Variants in TERT observed in about 807,000 individuals in gnomAD.
TERT encodes the protein telomerase catalytic subunit.
In TERT, 42 loss-of-function variants were observed where a neutral mutation model predicts 104.0. That is an observed-to-expected ratio of 0.40 (90% confidence interval 0.32 to 0.52). TERT has a LOEUF of 0.52. TERT is among the 20% of genes least tolerant of loss of function. The pLI, the probability that TERT is intolerant of heterozygous loss-of-function variation, is 0.43. For synonymous variants in TERT, 781 were observed against 725.6 expected (o/e 1.08, Z -1.23); for missense variants, 1,101 against 1,610.3 (o/e 0.68, Z 5.41).
chr5:1,288,901 G>A lies in TERT; in HGVS notation c.1573+4412C>T, dbSNP rs547838165. The stretch of plus-strand genomic sequence containing the variant: ...CGAGAGCCTGCAGTCCCGTGTCCCC[G>A]TAGCAAAATGGAACGGAGAGGTGAC... On this transcript the variant is annotated intron_variant, in intron 2 of 15. Coordinates refer to ENST00000310581, the MANE Select transcript of TERT (RefSeq NM_198253.3). This position sits in a 1 kb window ranked among gnomAD's most constrained non-coding sequence, Gnocchi z 5.3. 8.6e-4 allele frequency among the ~76,000 whole-genome samples: 131 copies of A among 152,286 alleles called. 1 individual carries two copies. The highest frequency in any genetic ancestry group is 2.8e-3 in the African/African-American group (116 of 41,546).
intron 14 of TERT, among the ~76,000 whole-genome samples, chr5:1,254,730 G>A (rs1213769592): frequency 1.3e-5 from 2 of 152,236 alleles, no homozygotes; most frequent in African/African-American, 2.4e-5. Context: ...GCTCAGGACC[G>A]CAGGTTCGAC....
rs1358276339 is a variant in TERT at position 1,260,496 on chromosome 5, T to C, written c.2948A>G (p.His983Arg). Residue 983 changes from histidine to arginine, a missense_variant, in exon 12 of 16, where the codon CAC becomes CGC. This residue lies in a region of TERT where 463 missense variants were observed against 797.5 expected (regional missense o/e 0.58). Transcript: ENST00000310581. The stretch of plus-strand genomic sequence containing the variant: ...CACCTGCAAATCCAGAAACAGGCTG[T>C]GACACTTCAGCCGCAAGACCCCAAA... ...KLFGVLRLKC[H>R]SLFLDLQVNS... The C allele has an allele frequency of 6.2e-7, 1 of 1,614,112 alleles. No homozygotes were observed. Among genetic ancestry groups the C allele is most frequent in the Non-Finnish European group, 8.5e-7 (1 of 1,180,002 alleles).
At chr5:1,254,011 C>T (rs977640816) in intron 15 of TERT, among the ~76,000 whole-genome samples, 180 bp from the exon 16 acceptor site, 7 of 152,194 alleles carry the variant, frequency 4.6e-5, no homozygotes, top group East Asian at 1.9e-4. Flanking sequence ...AGCCCAGTGA[C>T]GCTGGAGCGG....
chr5:1,266,608 A>G, intron 9 of TERT, 73 bp from the exon 10 acceptor site: 2 of 1,211,804 alleles, frequency 1.7e-6, no homozygotes, highest in Non-Finnish European at 2.4e-6. Context: ...GAGGGACTGA[A>G]TGTCAAACAA....
chr5:1,276,391 C>T lies in TERT; in HGVS notation c.2286+2250G>A, dbSNP rs115164942. Among the ~76,000 whole-genome samples, 1,030 of 146,158 alleles carry T rather than the reference C, an allele frequency of 7.0e-3. 5 individuals are homozygous for T. Among genetic ancestry groups the T allele is most frequent in the African/African-American group, 0.025 (952 of 38,830 alleles). ...AATTCACAGATCCCCACCTACCCCA[C>T]GCATAAAAACCAATCCCACAGATCC... On this transcript the variant is annotated intron_variant, in intron 6 of 15. Transcript: ENST00000310581.
rs1410105977 is a variant in TERT, at chr5:1,265,080, G to A, written c.2655-488C>T. Among the ~76,000 whole-genome samples, 1 of 152,228 alleles carries A rather than the reference G, an allele frequency of 6.6e-6. No individual in the cohort carries two copies. Among genetic ancestry groups the A allele is most frequent in the Non-Finnish European group, 1.5e-5 (1 of 68,040 alleles). On this transcript the variant is annotated intron_variant, in intron 10 of 15. Transcript: ENST00000310581. This position sits in a 1 kb window ranked among gnomAD's most constrained non-coding sequence, Gnocchi z 6.9. ...ACAAAGGGGAGGGTTCTGAGTTCCT[G>A]CTCAGGCGCGGGACCTGGCTGGGCT... is the stretch of plus-strand genomic sequence containing the variant.
In TERT at chr5:1,286,782, G is replaced by A. The variant is rs149513319; in HGVS notation, c.1574-4158C>T. 6.9e-4 allele frequency among the ~76,000 whole-genome samples: 105 copies of A among 152,234 alleles called. No homozygotes were observed. The highest frequency in any genetic ancestry group is 2.4e-3 in the African/African-American group (100 of 41,526). ...AATCCCAGCTACTCATGAGGTTGAG[G>A]AATGAGAACTGCTTGAACCGAGGAG... On this transcript the variant is annotated intron_variant, in intron 2 of 15. Transcript: ENST00000310581. The surrounding 1 kb of genome is among the most constrained non-coding windows in gnomAD (Gnocchi z 5.3).
At chr5:1,259,088 G>A (rs1207681429) in intron 12 of TERT, among the ~76,000 whole-genome samples, 1 of 148,900 alleles carries the variant, frequency 6.7e-6, no homozygotes, top group African/African-American at 2.5e-5. Context: ...ATGCCCACAG[G>A]AGAGGGGGAG....
At chr5:1,264,827 C>T (rs772072700) in intron 10 of TERT, among the ~76,000 whole-genome samples, 5 of 152,060 alleles carry the variant, frequency 3.3e-5, no homozygotes, top group African/African-American at 4.8e-5. Flanking sequence ...GGCCTGGACC[C>T]GGGACAGCCA....
rs377030225 is a variant in TERT at position 1,279,303 on chromosome 5, C to T, written c.2118G>A (p.Leu706=). ...RVRAQDPPPE[L]YFVKVDVTGA... ...CCCCGGCACCCACCTTGACAAAGTA[C>T]AGCTCAGGCGGCGGGTCCTGGGCCC... is the stretch of plus-strand genomic sequence containing the variant. The change falls in exon 5 of 16, where the codon CTG becomes CTA. Residue 706 remains leucine (L), a synonymous_variant. Coordinates refer to ENST00000310581, the MANE Select transcript of TERT (RefSeq NM_198253.3). 69 of 1,582,840 alleles carry T rather than the reference C, an allele frequency of 4.4e-5. No individual in the cohort carries two copies. The highest frequency in any genetic ancestry group is 9.0e-5 in the Admixed American group (5 of 55,544).
chr5:1,260,373 G>C, intron 12 of TERT, 101 bp downstream of exon 12: 1 of 1,578,134 alleles, frequency 6.3e-7, no homozygotes, highest in Non-Finnish European at 8.6e-7. Context: ...CGTGCAGCCA[G>C]TCACCATCAG....
intron 9 of TERT, among the ~76,000 whole-genome samples, chr5:1,267,964 C>A (rs1361549672): frequency 6.6e-6 from 1 of 151,910 alleles, no homozygotes; most frequent in East Asian, 1.9e-4. Flanking sequence ...GCACATGTAC[C>A]CTAGAACTTA....
Position 1,263,365 on chromosome 5 carries a change from T to C in TERT, c.2843+1039A>G, listed in dbSNP as rs1202639046. On this transcript the variant is annotated intron_variant, in intron 11 of 15. Transcript: ENST00000310581. This position sits in a 1 kb window ranked among gnomAD's most constrained non-coding sequence, Gnocchi z 5.3. ...CAGTAAATATTATCGAAGGACAGAATAAAAAAACACCTGTCCACTATGGTT... is the reference window on the plus strand; with the variant it reads ...CAGTAAATATTATCGAAGGACAGAACAAAAAAACACCTGTCCACTATGGTT... 6.6e-6 allele frequency among the ~76,000 whole-genome samples: 1 copy of C among 150,724 alleles called. No homozygotes were observed. Among genetic ancestry groups the C allele is most frequent in the African/African-American group, 2.4e-5 (1 of 41,060 alleles).
rs974297651 is a variant in TERT, at chr5:1,265,783, C to A, written c.2654+681G>T. Among the ~76,000 whole-genome samples the A allele has an allele frequency of 1.3e-5, 2 of 152,134 alleles. No homozygotes were observed. The highest frequency in any genetic ancestry group is 4.8e-5 in the African/African-American group (2 of 41,440). ...TCCCTTTACAGCTTTCAAGGTTTCT[C>A]GTCCCTCGTCAAATCGCACTTTAAA... On this transcript the variant is annotated intron_variant, in intron 10 of 15. Transcript: ENST00000310581. The surrounding 1 kb of genome is among the most constrained non-coding windows in gnomAD (Gnocchi z 6.9).
chr5:1,292,527 T>TA lies in TERT; in HGVS notation c.1573+785_1573+786insT, dbSNP rs1446302807. On this transcript the variant is annotated intron_variant, in intron 2 of 15. Transcript: ENST00000310581. The surrounding 1 kb of genome is among the most constrained non-coding windows in gnomAD (Gnocchi z 5.5). ...CACAATCAACGAACACTTTTTTTTT[T>TA]TAAAGACAGAGTTTCACTCTTGTCG... Among the ~76,000 whole-genome samples the TA allele has an allele frequency of 4.7e-4, 57 of 120,234 alleles. No individual in the cohort carries two copies. Among genetic ancestry groups the TA allele is most frequent in the Admixed American group, 2.4e-3 (25 of 10,566 alleles). The allele number at this position is 120,234 out of a possible 152,430, so 78.9% of individuals were successfully genotyped here.
At position 1,294,946 on chromosome 5, in the gene TERT, CGCAGCAGGGAGCGCACGGCTCG is replaced by C; in HGVS notation, c.22_43del (p.Arg8AlafsTer63). On this transcript the variant is annotated frameshift_variant, in exon 1 of 16. Coordinates refer to ENST00000310581, the MANE Select transcript of TERT (RefSeq NM_198253.3). LOFTEE classifies it high-confidence loss of function. ...CGGCAGCACCTCGCGGTAGTGGCTG[CGCAGCAGGGAGCGCACGGCTCG>C]GCAGCGGGGAGCGCGCGGCATCGCG... 1 of 1,400,604 alleles carries C rather than the reference CGCAGCAGGGAGCGCACGGCTCG, an allele frequency of 7.1e-7. No homozygotes were observed. The highest frequency in any genetic ancestry group is 9.2e-7 in the Non-Finnish European group (1 of 1,082,548). 86.8% of individuals were successfully genotyped at this position (1,400,604 alleles called of 1,614,324 possible).
At chr5:1,260,643 C>T (rs752690549) in intron 11 of TERT, 43 bp from the exon 12 acceptor site, 4 of 1,611,138 alleles carry the variant, frequency 2.5e-6, no homozygotes, top group South Asian at 1.1e-5. Flanking sequence ...GCCTGCCCCA[C>T]ACCCAGCCCC....
intron 9 of TERT, among the ~76,000 whole-genome samples, chr5:1,267,814 TCA>T (rs1327125170): frequency 2.0e-5 from 3 of 151,894 alleles, no homozygotes; most frequent in African/African-American, 7.3e-5. Flanking sequence ...GTGGGGAACA[TCA>T]CACACCAGGG....
rs1005106390 is a variant in TERT at position 1,288,383 on chromosome 5, A to C, written c.1573+4930T>G. ...TGGAGAGATAGAAACGTCAGAGGTA[A>C]ATCAGTGAAATTCAAAACTAAGACC... On this transcript the variant is annotated intron_variant, in intron 2 of 15. Coordinates refer to ENST00000310581, the MANE Select transcript of TERT (RefSeq NM_198253.3). The surrounding 1 kb of genome is among the most constrained non-coding windows in gnomAD (Gnocchi z 5.3). Among the ~76,000 whole-genome samples the C allele has an allele frequency of 3.9e-5, 6 of 152,152 alleles. No individual in the cohort carries two copies. The highest frequency in any genetic ancestry group is 1.4e-4 in the African/African-American group (6 of 41,430).
Sources: gnomAD v4.1 joint callset for allele counts (sites outside exome capture counted in the v4.1 genomes callset) on GRCh38, gnomAD v4.1.1 for gene constraint, gnomAD v4.1.1 regional missense constraint, Gnocchi (gnomAD v3.1) non-coding constraint, MANE v1.5 for transcripts, NCBI Gene and HGNC (gene_info 2026-07-23, HGNC 2026-07-21) for gene names.